The following OCA2 variants were observed in gnomAD, a reference collection of about 807,000 sequenced individuals.
The protein encoded by OCA2 is P protein.
A neutral mutation model predicts 100.2 loss-of-function variants in OCA2; 77 were observed. That is an observed-to-expected ratio of 0.77 (90% CI 0.64 to 0.93). The LOEUF (loss-of-function observed/expected upper bound fraction) is 0.93. OCA2 is among the 40% of genes least tolerant of loss of function. The pLI is 0.00. For missense variants in OCA2, 1,062 were observed against 1,089.1 expected (o/e 0.98, Z 0.35); for synonymous variants, 432 against 439.2 (o/e 0.98, Z 0.21).
At chr15:28,056,101 C>T (rs1026315125) in intron 2 of OCA2, among the ~76,000 whole-genome samples, 3 of 152,088 alleles carry the variant, frequency 2.0e-5, no homozygotes, top group African/African-American at 7.2e-5. Context: ...GCTCTGGCCA[C>T]CTTGCTGTAC....
chr15:27,760,862 A>G (rs1305348651), intron 23 of OCA2, among the ~76,000 whole-genome samples: 1 of 152,132 alleles, frequency 6.6e-6, no homozygotes, highest in Non-Finnish European at 1.5e-5. Flanking sequence ...ACTAACACTA[A>G]TTCTATACAA....
rs982476347 is a variant in OCA2 at position 27,897,263 on chromosome 15, T to C, written c.2080-25341A>G. 2.6e-5 allele frequency among the ~76,000 whole-genome samples: 4 copies of C among 152,030 alleles called. No homozygotes were observed. The East Asian group carries it at 7.8e-4, about 30-fold the overall frequency. Reference sequence around the variant, plus strand: ...CCAGAGGCCTAAAAGAAAAATATAGTTTCCTGGGTCGGGCCCAGTGCCTCC... The same window carrying C: ...CCAGAGGCCTAAAAGAAAAATATAGCTTCCTGGGTCGGGCCCAGTGCCTCC... On this transcript the variant is annotated intron_variant, in intron 19 of 23. Transcript: ENST00000354638.
chr15:27,806,789 G>A (rs1054183358), intron 23 of OCA2, among the ~76,000 whole-genome samples: 1 of 152,254 alleles, frequency 6.6e-6, no homozygotes, highest in Non-Finnish European at 1.5e-5. Context: ...CCAGACTGCG[G>A]AGAGGACCGT....
intron 2 of OCA2, among the ~76,000 whole-genome samples, chr15:28,042,202 G>A (rs2141474223): frequency 6.6e-6 from 1 of 152,140 alleles, no homozygotes; most frequent in Admixed American, 6.5e-5. Context: ...ATACAGGGAA[G>A]GATAGAAAAT....
At chr15:28,039,219 C>T (rs1053178172) in intron 2 of OCA2, among the ~76,000 whole-genome samples, 1 of 152,128 alleles carries the variant, frequency 6.6e-6, no homozygotes. Context: ...TTCAATACTT[C>T]ACTGTTAATA....
intron 19 of OCA2, among the ~76,000 whole-genome samples, chr15:27,885,272 C>T (rs981115871): frequency 6.6e-6 from 1 of 152,140 alleles, no homozygotes; most frequent in African/African-American, 2.4e-5. Context: ...TAAATTAGAG[C>T]CTTTATCCTG....
intron 9 of OCA2, among the ~76,000 whole-genome samples, chr15:27,993,374 C>T (rs2041619094): frequency 6.6e-6 from 1 of 152,116 alleles, no homozygotes; most frequent in South Asian, 2.1e-4. Flanking sequence ...AGGACACGCA[C>T]ACCCAGGATA....
chr15:28,032,795 A>AG (rs900049040), intron 2 of OCA2, among the ~76,000 whole-genome samples: 2 of 146,962 alleles, frequency 1.4e-5, no homozygotes, highest in African/African-American at 2.5e-5. Context: ...TCTGTCTCAA[A>AG]AAAAAAAAAA....
In OCA2 at chr15:28,014,787, T is replaced by C. The variant is rs2067597562; in HGVS notation, c.1033A>G (p.Ile345Val). 11 of 1,613,266 alleles carry C rather than the reference T, an allele frequency of 6.8e-6. No individual in the cohort carries two copies. Among genetic ancestry groups the C allele is most frequent in the Non-Finnish European group, 8.5e-6 (10 of 1,179,976 alleles). The change falls in exon 9 of 24, where the codon ATC becomes GTC. Residue 345 changes from isoleucine (I) to valine (V), a missense_variant. Coordinates refer to ENST00000354638, the MANE Select transcript of OCA2 (RefSeq NM_000275.3). ...TAILAGVYALIIFEIVHRTLA... is the reference protein window; with the variant it reads ...TAILAGVYALVIFEIVHRTLA... ...GGTGTGAAAGTTACCTCAAATATGA[T>C]CAGCGCGTAGACGCCCGCGAGGATG...
intron 23 of OCA2, among the ~76,000 whole-genome samples, chr15:27,765,973 G>C (rs561404337): frequency 4.7e-4 from 72 of 152,246 alleles, no homozygotes; most frequent in Admixed American, 2.0e-3. Context: ...CTACCTTCCT[G>C]GGAATGCTGC....
At chr15:27,758,518 G>A (rs1331065660) in intron 23 of OCA2, among the ~76,000 whole-genome samples, 2 of 152,196 alleles carry the variant, frequency 1.3e-5, no homozygotes, top group Non-Finnish European at 2.9e-5. Flanking sequence ...CAATACTGAG[G>A]TGATACAGAT....
intron 14 of OCA2, among the ~76,000 whole-genome samples, chr15:27,967,319 T>C (rs1424951056): frequency 6.6e-6 from 1 of 152,104 alleles, no homozygotes; most frequent in Non-Finnish European, 1.5e-5. Flanking sequence ...TACCATGATT[T>C]TGAAAATTGT....
intron 23 of OCA2, among the ~76,000 whole-genome samples, chr15:27,772,650 G>A (rs1310956818): frequency 6.6e-6 from 1 of 152,030 alleles, no homozygotes; most frequent in Non-Finnish European, 1.5e-5. Context: ...AGACCATCCT[G>A]GCTAACACGG....
chr15:27,771,747 ACTGTATTCCCTTTTT>A lies in OCA2; in HGVS notation c.2433-16290_2433-16276del, dbSNP rs2031885475. Among the ~76,000 whole-genome samples, 3 of 152,288 alleles carry A rather than the reference ACTGTATTCCCTTTTT, an allele frequency of 2.0e-5. No homozygotes were observed. In the South Asian group the frequency reaches 6.2e-4, roughly 32 times the overall value. ...GACTTTAATCTTCTTTACCTCTGCT[ACTGTATTCCCTTTTT>A]AAATACTTAATTTTGTTAATTTTTG... On this transcript the variant is annotated intron_variant, in intron 23 of 23. Coordinates refer to ENST00000354638, the MANE Select transcript of OCA2 (RefSeq NM_000275.3).
At chr15:27,824,545 G>T (rs2034626389) in intron 23 of OCA2, among the ~76,000 whole-genome samples, 1 of 137,222 alleles carries the variant, frequency 7.3e-6, no homozygotes, top group African/African-American at 2.8e-5. Context: ...AAATTAAACT[G>T]GCAAAACCTA....
the OCA2 span, among the ~76,000 whole-genome samples, chr15:27,734,171 A>G: frequency 6.7e-6 from 1 of 149,262 alleles, no homozygotes; most frequent in African/African-American, 2.5e-5. Flanking sequence ...AAAAAAAATT[A>G]TATGAGAGAA....
intron 1 of OCA2, among the ~76,000 whole-genome samples, chr15:28,093,085 C>A (rs932732432): frequency 2.6e-5 from 4 of 152,066 alleles, no homozygotes; most frequent in South Asian, 2.1e-4. Flanking sequence ...AGATCGTGAG[C>A]CATTAGGGAA....
chr15:27,781,442 G>A (rs2032534928), intron 23 of OCA2, among the ~76,000 whole-genome samples: 1 of 152,170 alleles, frequency 6.6e-6, no homozygotes, highest in South Asian at 2.1e-4. Context: ...GGTGGACACT[G>A]CGGTTGTGGG....
intron 23 of OCA2, among the ~76,000 whole-genome samples, chr15:27,814,939 GAT>G (rs764546607): frequency 0.14 from 19,130 of 134,584 alleles, 1,472 homozygotes; most frequent in South Asian, 0.19. Flanking sequence ...TAGATAGATA[GAT>G]AGATACAGAG....
Sources: gnomAD v4.1 joint callset for allele counts (sites outside exome capture counted in the v4.1 genomes callset) on GRCh38, gnomAD v4.1.1 for gene constraint, MANE v1.5 for transcripts, NCBI Gene and HGNC (gene_info 2026-07-23, HGNC 2026-07-21) for gene names.